GPBP1: variants seen among roughly 807,000 people sequenced by gnomAD.
The protein encoded by GPBP1 is vasculin.
A neutral mutation model predicts 56.5 loss-of-function variants in GPBP1; 13 were observed. The observed-to-expected ratio is 0.23, with a 90% CI of 0.15 to 0.37. The LOEUF (loss-of-function observed/expected upper bound fraction) is 0.37. Ranked by LOEUF, GPBP1 falls within the 10% of genes least tolerant of loss-of-function variation. The probability of loss-of-function intolerance (pLI) is 1.00; values close to 1 mark genes in which losing one functional copy is unlikely to be tolerated. For synonymous variants in GPBP1, 204 were observed against 188.9 expected (o/e 1.08, Z -0.66); for missense variants, 477 against 572.3 (o/e 0.83, Z 1.70).
intron 2 of GPBP1, among the ~76,000 whole-genome samples, chr5:57,211,272 A>T (rs989477390): frequency 6.6e-6 from 1 of 151,768 alleles, no homozygotes; most frequent in African/African-American, 2.4e-5. Context: ...CTGCAGCCTC[A>T]AACTTCTGGT....
chr5:57,195,756 A>G (rs1043660358), intron 2 of GPBP1, among the ~76,000 whole-genome samples: 1 of 151,956 alleles, frequency 6.6e-6, no homozygotes, highest in Non-Finnish European at 1.5e-5. Context: ...TAATCCCAAC[A>G]CTTTGGGAGG....
At chr5:57,208,366 T>C (rs1755326547) in intron 2 of GPBP1, among the ~76,000 whole-genome samples, 1 of 152,048 alleles carries the variant, frequency 6.6e-6, no homozygotes, top group Admixed American at 6.6e-5. Context: ...CCCAAGTAGC[T>C]GGGACCACAG....
chr5:57,181,612 C>T (rs1026819239), intron 2 of GPBP1, among the ~76,000 whole-genome samples: 8 of 145,166 alleles, frequency 5.5e-5, no homozygotes, highest in African/African-American at 1.3e-4. Flanking sequence ...GGTGGGGGGG[C>T]GGTGCGGGGG....
chr5:57,229,941 G>GTGTCCCGTCC (rs1554070407), intron 3 of GPBP1, among the ~76,000 whole-genome samples: 3 of 146,078 alleles, frequency 2.1e-5, no homozygotes, highest in Non-Finnish European at 3.0e-5. Context: ...GCATCGCATC[G>GTGTCCCGTCC]CGTCCCGTCC....
At chr5:57,236,410 T>A (rs768200100) in intron 6 of GPBP1, among the ~76,000 whole-genome samples, 5 of 152,190 alleles carry the variant, frequency 3.3e-5, no homozygotes, top group Non-Finnish European at 7.4e-5. Flanking sequence ...ATACTTCTGA[T>A]CATAGTGTGA....
chr5:57,223,515 A>G (rs1176328239), intron 3 of GPBP1, among the ~76,000 whole-genome samples: 2 of 152,172 alleles, frequency 1.3e-5, no homozygotes. Flanking sequence ...AATATTCAAT[A>G]TAATCAATGG....
At chr5:57,236,231 G>A (rs1756656707) in intron 6 of GPBP1, among the ~76,000 whole-genome samples, 199 bp downstream of exon 6, 1 of 152,138 alleles carries the variant, frequency 6.6e-6, no homozygotes, top group South Asian at 2.1e-4. Context: ...TGAAGTAGTT[G>A]ATTTGCACAT....
intron 6 of GPBP1, 101 bp downstream of exon 6, chr5:57,236,133 T>G (rs1756652976): frequency 1.3e-6 from 1 of 760,350 alleles, no homozygotes; most frequent in Non-Finnish European, 2.2e-6. Flanking sequence ...AGAATAAAAC[T>G]TTCTTTTTAA....
chr5:57,235,536 G>A (rs188979000), intron 5 of GPBP1, among the ~76,000 whole-genome samples: 16 of 152,120 alleles, frequency 1.1e-4, no homozygotes, highest in Non-Finnish European at 1.5e-5. Flanking sequence ...TTATGGATAA[G>A]GAAACTTAAA....
chr5:57,221,868 C>T (rs573610631), intron 3 of GPBP1, among the ~76,000 whole-genome samples: 1 of 152,230 alleles, frequency 6.6e-6, no homozygotes. Flanking sequence ...TTCATTGAAA[C>T]TTTTAATTTG....
At chr5:57,249,239 CTCAT>C (rs1319514395) in intron 8 of GPBP1, 166 bp from the exon 9 acceptor site, 10 of 473,234 alleles carry the variant, frequency 2.1e-5, no homozygotes, top group East Asian at 2.0e-4. Context: ...ATTTTGTTGA[CTCAT>C]TCAGTAGGGG....
chr5:57,251,972 CTG>C (rs1287404453), intron 10 of GPBP1, among the ~76,000 whole-genome samples: 9 of 152,238 alleles, frequency 5.9e-5, no homozygotes, highest in African/African-American at 2.2e-4. Context: ...AGAGAAATAA[CTG>C]TATAAATACT....
At chr5:57,233,333 TACTC>T in intron 5 of GPBP1, among the ~76,000 whole-genome samples, 1 of 152,154 alleles carries the variant, frequency 6.6e-6, no homozygotes, top group East Asian at 1.9e-4. Context: ...ACTTTGTAAT[TACTC>T]TGTATTCTCA....
chr5:57,214,909 G>A (rs907811292), intron 3 of GPBP1, among the ~76,000 whole-genome samples: 2 of 152,146 alleles, frequency 1.3e-5, no homozygotes, highest in South Asian at 2.1e-4. Context: ...TGATCTGCCC[G>A]CCTCAGTCTC....
rs963408047 is a variant in GPBP1 at position 57,247,122 on chromosome 5, T to C, written c.711T>C (p.Ser237=). The change falls in exon 8 of 12, where the codon TCT becomes TCC. Residue 237 remains serine, a synonymous_variant. Transcript: ENST00000506184. ...SQTKENKVGT[S]FPHESTFGVG... is the part of the protein sequence containing the mutation. ...CAAAAGAAAATAAAGTTGGAACTTC[T>C]TTCCCTCATGAGTCCACATTTGGCG... 1 of 1,613,766 alleles carries C rather than the reference T, an allele frequency of 6.2e-7. No homozygotes were observed. Among genetic ancestry groups the C allele is most frequent in the South Asian group, 1.1e-5 (1 of 91,018 alleles).
intron 2 of GPBP1, among the ~76,000 whole-genome samples, chr5:57,211,740 C>T (rs558841740): frequency 1.4e-4 from 21 of 151,668 alleles, no homozygotes; most frequent in African/African-American, 4.1e-4. Flanking sequence ...TGCACCACCA[C>T]GCCCGGCTAA....
chr5:57,242,173 C>A (rs962608625), intron 6 of GPBP1, among the ~76,000 whole-genome samples: 2 of 152,138 alleles, frequency 1.3e-5, no homozygotes, highest in African/African-American at 4.8e-5. Context: ...TACCAGTCAA[C>A]CTAAAATTCT....
chr5:57,211,345 C>T (rs1048043977), intron 2 of GPBP1, among the ~76,000 whole-genome samples: 1 of 152,016 alleles, frequency 6.6e-6, no homozygotes, highest in African/African-American at 2.4e-5. Context: ...GACCACCACA[C>T]TCAGCCGGTT....
intron 2 of GPBP1, among the ~76,000 whole-genome samples, chr5:57,210,426 T>TA (rs897959341): frequency 1.3e-5 from 2 of 152,112 alleles, no homozygotes; most frequent in Admixed American, 6.6e-5. Context: ...GTAGATTTCT[T>TA]AAAAAAAATT....
Sources: allele counts gnomAD v4.1 joint callset (sites outside exome capture counted in the v4.1 genomes callset), GRCh38; gene constraint gnomAD v4.1.1; transcripts MANE v1.5; gene names NCBI Gene and HGNC (gene_info 2026-07-23, HGNC 2026-07-21).